The following SHISA6 variants were observed in gnomAD, a reference collection of about 807,000 sequenced individuals.
SHISA6 encodes protein shisa-6.
Under a neutral mutation model 47.9 loss-of-function variants are expected in SHISA6, and 22 were observed. The ratio of observed to expected loss-of-function variants is 0.46; its 90% CI spans 0.33 to 0.66. The LOEUF is 0.66. Ranked by LOEUF, SHISA6 falls within the 30% of genes least tolerant of loss-of-function variation. SHISA6 has a pLI of 0.02. For missense variants in SHISA6, 680 were observed against 764.6 expected (o/e 0.89, Z 1.30); for synonymous variants, 388 against 337.8 (o/e 1.15, Z -1.63).
chr17:11,519,127 C>T (rs1398085484), intron 3 of SHISA6, among the ~76,000 whole-genome samples: 1 of 152,212 alleles, frequency 6.6e-6, no homozygotes, highest in Non-Finnish European at 1.5e-5. Flanking sequence ...CTCTTCTCCT[C>T]CGCTGCCAAA....
At chr17:11,350,678 A>T (rs1371884583) in intron 2 of SHISA6, among the ~76,000 whole-genome samples, 2 of 151,930 alleles carry the variant, frequency 1.3e-5, no homozygotes, top group Non-Finnish European at 2.9e-5. Context: ...TCTTACCTTT[A>T]TCTTTATTTA....
chr17:11,495,300 CCT>C (rs1268127782), intron 3 of SHISA6, among the ~76,000 whole-genome samples: 1 of 152,134 alleles, frequency 6.6e-6, no homozygotes, highest in Non-Finnish European at 1.5e-5. Context: ...TCTGTTTTTT[CCT>C]CTCTCCTTCC....
chr17:11,533,836 C>T (rs1482560516), intron 3 of SHISA6, among the ~76,000 whole-genome samples: 1 of 152,010 alleles, frequency 6.6e-6, no homozygotes, highest in African/African-American at 2.4e-5. Flanking sequence ...TCGTGATCCA[C>T]CTACCTCGCC....
At chr17:11,530,714 G>C (rs149149417) in intron 3 of SHISA6, among the ~76,000 whole-genome samples, 1 of 152,174 alleles carries the variant, frequency 6.6e-6, no homozygotes, top group African/African-American at 2.4e-5. Flanking sequence ...TGTTGTCAAG[G>C]TTAGTCGTTT....
chr17:11,282,174 C>T (rs1197129000), intron 2 of SHISA6, among the ~76,000 whole-genome samples: 1 of 152,180 alleles, frequency 6.6e-6, no homozygotes, highest in Non-Finnish European at 1.5e-5. Context: ...CAAAAGAGGT[C>T]CCCAAACTTA....
At chr17:11,495,994 CA>C (rs1208699429) in intron 3 of SHISA6, among the ~76,000 whole-genome samples, 2 of 32,604 alleles carry the variant, frequency 6.1e-5, no homozygotes, top group Non-Finnish European at 1.3e-4. Context: ...TTTATCCATT[CA>C]TCCATCCATC....
chr17:11,383,438 G>T (rs1417591757), intron 3 of SHISA6, among the ~76,000 whole-genome samples: 6 of 152,082 alleles, frequency 3.9e-5, no homozygotes, highest in Non-Finnish European at 8.8e-5. Flanking sequence ...TTTGTTAGTG[G>T]GATTGAGAAC....
chr17:11,514,721 G>A (rs546300219), intron 3 of SHISA6, among the ~76,000 whole-genome samples: 1 of 152,318 alleles, frequency 6.6e-6, no homozygotes, highest in South Asian at 2.1e-4. Flanking sequence ...GCCCTTGTGG[G>A]ATGGGAGCCA....
chr17:11,443,651 A>ATC (rs1915153045), intron 3 of SHISA6, among the ~76,000 whole-genome samples: 1 of 152,204 alleles, frequency 6.6e-6, no homozygotes, highest in African/African-American at 2.4e-5. Flanking sequence ...GTGAGGATTG[A>ATC]AAGAGATTAA....
At chr17:11,367,098 A>C (rs550441382) in intron 2 of SHISA6, among the ~76,000 whole-genome samples, 1 of 152,204 alleles carries the variant, frequency 6.6e-6, no homozygotes, top group Non-Finnish European at 1.5e-5. Flanking sequence ...TACTATCAGC[A>C]ACTCTTTTGA....
Position 11,493,217 on chromosome 17 carries a change from C to CT in SHISA6, c.896-58670dup, listed in dbSNP as rs975114853. On this transcript the variant is annotated intron_variant, in intron 3 of 5. Coordinates refer to ENST00000441885, the MANE Select transcript of SHISA6 (RefSeq NM_207386.4). ...CTCCTAAAAGGAAATAATGCAACTCCTTTTTTTTTCTTTTCTTTTTTTCTG... is the reference window on the plus strand; with the variant it reads ...CTCCTAAAAGGAAATAATGCAACTCCTTTTTTTTTTCTTTTCTTTTTTTCTG... Among the ~76,000 whole-genome samples, 11 of 151,462 alleles carry CT rather than the reference C, an allele frequency of 7.3e-5. 1 individual carries two copies. The highest frequency in any genetic ancestry group is 6.3e-4 in the South Asian group (3 of 4,766).
chr17:11,327,327 A>G (rs569437731), intron 2 of SHISA6, among the ~76,000 whole-genome samples: 8 of 152,320 alleles, frequency 5.3e-5, no homozygotes, highest in African/African-American at 1.9e-4. Context: ...TCACTAACCA[A>G]ATGACCTTGG....
intron 3 of SHISA6, among the ~76,000 whole-genome samples, chr17:11,514,934 T>C (rs542274898): frequency 7.0e-4 from 107 of 152,316 alleles, no homozygotes; most frequent in African/African-American, 2.6e-3. Flanking sequence ...CCCATATCCT[T>C]GTCTCTAACT....
intron 2 of SHISA6, among the ~76,000 whole-genome samples, chr17:11,305,303 T>C (rs777704389): frequency 2.6e-5 from 4 of 152,228 alleles, no homozygotes; most frequent in Non-Finnish European, 5.9e-5. Flanking sequence ...ACAACCCTTT[T>C]AACCATGAAG....
chr17:11,526,904 T>C (rs1308625081), intron 3 of SHISA6, among the ~76,000 whole-genome samples: 2 of 20,962 alleles, frequency 9.5e-5, no homozygotes, highest in African/African-American at 4.1e-4. Context: ...TATATATATA[T>C]ATATATATAT....
intron 2 of SHISA6, among the ~76,000 whole-genome samples, chr17:11,332,931 A>G (rs1597462342): frequency 6.6e-6 from 1 of 152,142 alleles, no homozygotes; most frequent in African/African-American, 2.4e-5. Context: ...GTAGAAGTCA[A>G]ACTGCCAGTG....
In SHISA6 at chr17:11,262,229, T is replaced by C. The variant is rs544909949; in HGVS notation, c.639-1137T>C. Among the ~76,000 whole-genome samples the C allele has an allele frequency of 3.3e-5, 5 of 152,320 alleles. No homozygotes were observed. The East Asian group carries it at 9.6e-4, about 29-fold the overall frequency. On this transcript the variant is annotated intron_variant, in intron 1 of 5. Coordinates refer to ENST00000441885, the MANE Select transcript of SHISA6 (RefSeq NM_207386.4). ...AGATGCATTTTTAAACTGCTGCAGT[T>C]GTCACTTTTCATGGGGGCAGAGTGT...
chr17:11,303,809 AGT>A lies in SHISA6; in HGVS notation c.799+40287_799+40288del, dbSNP rs752630693. Reference sequence around the variant, plus strand: ...CGTTGTAAGGATGACTCCTCAGAGGAGTGTGCTGAGTTGGGGGTAAATGTGGG... The same window carrying A: ...CGTTGTAAGGATGACTCCTCAGAGGAGTGCTGAGTTGGGGGTAAATGTGGG... On this transcript the variant is annotated intron_variant, in intron 2 of 5. Coordinates refer to ENST00000441885, the MANE Select transcript of SHISA6 (RefSeq NM_207386.4). Among the ~76,000 whole-genome samples the A allele has an allele frequency of 2.0e-5, 3 of 152,244 alleles. No individual in the cohort carries two copies. The South Asian group carries it at 6.2e-4, about 32-fold the overall frequency.
At chr17:11,441,082 A>G (rs550138870) in intron 3 of SHISA6, among the ~76,000 whole-genome samples, 7 of 152,256 alleles carry the variant, frequency 4.6e-5, no homozygotes, top group African/African-American at 1.7e-4. Flanking sequence ...CTCCTGAGGA[A>G]CAACAACAAA....
Sources: gnomAD v4.1 joint callset for allele counts (sites outside exome capture counted in the v4.1 genomes callset) on GRCh38, gnomAD v4.1.1 for gene constraint, MANE v1.5 for transcripts, NCBI Gene and HGNC (gene_info 2026-07-23, HGNC 2026-07-21) for gene names.